The following KIRREL3 variants were observed in gnomAD, a reference collection of about 807,000 sequenced individuals.
KIRREL3 encodes kin of IRRE-like protein 3.
A neutral mutation model predicts 89.7 loss-of-function variants in KIRREL3; 36 were observed. The ratio of observed to expected loss-of-function variants is 0.40; its 90% CI spans 0.31 to 0.53. KIRREL3 has a LOEUF of 0.53. Ranked by LOEUF, KIRREL3 falls within the 20% of genes least tolerant of loss-of-function variation. The probability of loss-of-function intolerance (pLI) is 0.49; values close to 1 mark genes in which losing one functional copy is unlikely to be tolerated. For synonymous variants in KIRREL3, 445 were observed against 441.4 expected (o/e 1.01, Z -0.10); for missense variants, 864 against 1,056.6 (o/e 0.82, Z 2.53).
chr11:126,527,040 C>A lies in KIRREL3; in HGVS notation c.134-353G>T, dbSNP rs1958785287. Reference sequence around the variant, plus strand: ...TAATGCCATGTGCTGGGCATGCAGTCCCACACCAGGGCAGAAACAGGAGAG... The same window carrying A: ...TAATGCCATGTGCTGGGCATGCAGTACCACACCAGGGCAGAAACAGGAGAG... On this transcript the variant is annotated intron_variant, in intron 2 of 16. Coordinates refer to ENST00000525144, the MANE Select transcript of KIRREL3 (RefSeq NM_032531.4). The surrounding 1 kb of genome is among the most constrained non-coding windows in gnomAD (Gnocchi z 4.2). Among the ~76,000 whole-genome samples, 1 of 152,192 alleles carries A rather than the reference C, an allele frequency of 6.6e-6. No individual in the cohort carries two copies. Among genetic ancestry groups the A allele is most frequent in the Non-Finnish European group, 1.5e-5 (1 of 68,044 alleles).
At position 126,900,182 on chromosome 11, in the gene KIRREL3, T is replaced by C. The variant is rs1340375572; in HGVS notation, c.55+100273A>G. On this transcript the variant is annotated intron_variant, in intron 1 of 16. Transcript: ENST00000525144. This position sits in a 1 kb window ranked among gnomAD's most constrained non-coding sequence, Gnocchi z 4.4. ...TCCCATGTGTGTAAATATACAGCTC[T>C]CATGTGCCTAATTTATAGCAAGTCA... 3.9e-5 allele frequency among the ~76,000 whole-genome samples: 6 copies of C among 152,184 alleles called. No individual in the cohort carries two copies. The highest frequency in any genetic ancestry group is 7.3e-5 in the Non-Finnish European group (5 of 68,032).
At position 126,620,711 on chromosome 11, in the gene KIRREL3, A is replaced by G. The variant is rs536027549; in HGVS notation, c.56-57799T>C. 6.6e-5 allele frequency among the ~76,000 whole-genome samples: 10 copies of G among 152,292 alleles called. No individual in the cohort carries two copies. Among genetic ancestry groups the G allele is most frequent in the South Asian group, 6.2e-4 (3 of 4,814 alleles). ...ATTCATTCCCTTGCTGCCTTCTTCAATGCTTTTATAGGTCTCTTGATCTCT... is the reference window on the plus strand; with the variant it reads ...ATTCATTCCCTTGCTGCCTTCTTCAGTGCTTTTATAGGTCTCTTGATCTCT... On this transcript the variant is annotated intron_variant, in intron 1 of 16. Transcript: ENST00000525144. This position sits in a 1 kb window ranked among gnomAD's most constrained non-coding sequence, Gnocchi z 4.8.
At position 126,990,720 on chromosome 11, in the gene KIRREL3, C is replaced by T. The variant is rs959840859; in HGVS notation, c.55+9735G>A. 6.6e-6 allele frequency among the ~76,000 whole-genome samples: 1 copy of T among 152,212 alleles called. No individual in the cohort carries two copies. The highest frequency in any genetic ancestry group is 1.5e-5 in the Non-Finnish European group (1 of 68,042). ...AGAAAAAGGCTTCAGAGGGCATCTC[C>T]CTGAAGAAACAGAACTCCTTGTGAA... On this transcript the variant is annotated intron_variant, in intron 1 of 16. Transcript: ENST00000525144. The surrounding 1 kb of genome is among the most constrained non-coding windows in gnomAD (Gnocchi z 6.3).
At chr11:126,451,448 G>C (rs1565464764) in intron 7 of KIRREL3, among the ~76,000 whole-genome samples, 1 of 149,562 alleles carries the variant, frequency 6.7e-6, no homozygotes, top group Admixed American at 6.6e-5. Context: ...GTGTGTCCAA[G>C]TGCATGCGCA....
chr11:126,859,536 A>G (rs1462800326), intron 1 of KIRREL3, among the ~76,000 whole-genome samples: 1 of 152,008 alleles, frequency 6.6e-6, no homozygotes, highest in Non-Finnish European at 1.5e-5. Context: ...GGAGGAGGGG[A>G]CCCCCAAACT....
chr11:126,920,615 C>T (rs1947231348), intron 1 of KIRREL3: 1 of 152,154 alleles, frequency 6.6e-6, no homozygotes, highest in Non-Finnish European at 1.5e-5. Context: ...TTGGCTATTC[C>T]TCAGGATATG....
rs141100212 is a variant in KIRREL3, at chr11:126,741,958, C to G, written c.56-179046G>C. Among the ~76,000 whole-genome samples, 10 of 152,302 alleles carry G rather than the reference C, an allele frequency of 6.6e-5. No individual in the cohort carries two copies. In the East Asian group the frequency reaches 1.9e-3, roughly 29 times the overall value. ...ATTGCTCTTTTCATTAACCTTAACT[C>G]CACCACTCAGCATTTCACTAGCAGA... On this transcript the variant is annotated intron_variant, in intron 1 of 16. Transcript: ENST00000525144.
Position 126,773,263 on chromosome 11 carries a change from C to G in KIRREL3, c.56-210351G>C, listed in dbSNP as rs1208262880. ...CAGGATGAGGTTAACACTCTTGAAT[C>G]AGGGGACTGAGTGAAGTCAATACAG... On this transcript the variant is annotated intron_variant, in intron 1 of 16. Transcript: ENST00000525144. This position sits in a 1 kb window ranked among gnomAD's most constrained non-coding sequence, Gnocchi z 4.2. Among the ~76,000 whole-genome samples, 1 of 152,164 alleles carries G rather than the reference C, an allele frequency of 6.6e-6. No homozygotes were observed. The highest frequency in any genetic ancestry group is 2.4e-5 in the African/African-American group (1 of 41,418).
In KIRREL3 at chr11:126,544,759, CCTTT is replaced by C. The variant is rs915559675; in HGVS notation, c.133+18072_134-18073del. Among the ~76,000 whole-genome samples the C allele has an allele frequency of 6.6e-6, 1 of 152,112 alleles. No individual in the cohort carries two copies. The highest frequency in any genetic ancestry group is 2.4e-5 in the African/African-American group (1 of 41,424). ...GCAGCATCAAGATAATCGCCTAAGC[CCTTT>C]CTTCTCTTGCAAGTCCGTTGCTGCC... On this transcript the variant is annotated intron_variant, in intron 2 of 16. Coordinates refer to ENST00000525144, the MANE Select transcript of KIRREL3 (RefSeq NM_032531.4). This position sits in a 1 kb window ranked among gnomAD's most constrained non-coding sequence, Gnocchi z 5.6.
At chr11:126,910,317 T>A (rs1346250347) in intron 1 of KIRREL3, among the ~76,000 whole-genome samples, 1 of 152,098 alleles carries the variant, frequency 6.6e-6, no homozygotes, top group Non-Finnish European at 1.5e-5. Context: ...CAAGGTACAG[T>A]GGGCTGGCTG....
rs138071551 is a variant in KIRREL3, at chr11:126,441,603, C to T, written c.1253-1054G>A. Among the ~76,000 whole-genome samples, 6 of 152,280 alleles carry T rather than the reference C, an allele frequency of 3.9e-5. No homozygotes were observed. The highest frequency in any genetic ancestry group is 1.3e-4 in the Admixed American group (2 of 15,298). On this transcript the variant is annotated intron_variant, in intron 10 of 16. Coordinates refer to ENST00000525144, the MANE Select transcript of KIRREL3 (RefSeq NM_032531.4). The surrounding 1 kb of genome is among the most constrained non-coding windows in gnomAD (Gnocchi z 5.0). Reference sequence around the variant, plus strand: ...TGGCAGATACCAGAGGAAAGACAGCCGGGAGCAACGCATCTGGAGAACACA... The same window carrying T: ...TGGCAGATACCAGAGGAAAGACAGCTGGGAGCAACGCATCTGGAGAACACA...
In KIRREL3 at chr11:126,849,958, C is replaced by T. The variant is rs138622236; in HGVS notation, c.55+150497G>A. ...GACAACTCCCAAAATGGTATGAAAA[C>T]GCTTTTTAGTGTCCATGACCGGCAT... On this transcript the variant is annotated intron_variant, in intron 1 of 16. Transcript: ENST00000525144. Among the ~76,000 whole-genome samples the T allele has an allele frequency of 3.1e-3, 466 of 152,226 alleles. 4 individuals are homozygous for T. The South Asian group carries it at 0.037, about 12-fold the overall frequency.
rs374009147 is a variant in KIRREL3, at chr11:126,842,044, C to T, written c.55+158411G>A. 5.4e-4 allele frequency among the ~76,000 whole-genome samples: 82 copies of T among 152,184 alleles called. 1 individual carries two copies. The highest frequency in any genetic ancestry group is 1.8e-3 in the African/African-American group (76 of 41,518). On this transcript the variant is annotated intron_variant, in intron 1 of 16. Transcript: ENST00000525144. ...GATGGGGTAGGGTGAGGAGTGGATG[C>T]GTGTCCACTGAGCTTTGCAGCAGAG...
rs1338447790 is a variant in KIRREL3 at position 126,677,771 on chromosome 11, A to G, written c.56-114859T>C. The stretch of plus-strand genomic sequence containing the variant: ...GAGCTAATTCCAGGAACAACTGCAC[A>G]TTTGTCCACTGGTTGGAGTGAGCCT... On this transcript the variant is annotated intron_variant, in intron 1 of 16. Transcript: ENST00000525144. This position sits in a 1 kb window ranked among gnomAD's most constrained non-coding sequence, Gnocchi z 5.1. Among the ~76,000 whole-genome samples the G allele has an allele frequency of 6.6e-6, 1 of 152,052 alleles. No individual in the cohort carries two copies. The highest frequency in any genetic ancestry group is 1.5e-5 in the Non-Finnish European group (1 of 67,998).
At chr11:126,889,998 A>G (rs556081297) in intron 1 of KIRREL3, among the ~76,000 whole-genome samples, 1 of 152,342 alleles carries the variant, frequency 6.6e-6, no homozygotes, top group South Asian at 2.1e-4. Flanking sequence ...CACTGCATAA[A>G]TTGTCAGTGT....
At position 126,772,544 on chromosome 11, in the gene KIRREL3, A is replaced by C. The variant is rs1414884555; in HGVS notation, c.56-209632T>G. On this transcript the variant is annotated intron_variant, in intron 1 of 16. Coordinates refer to ENST00000525144, the MANE Select transcript of KIRREL3 (RefSeq NM_032531.4). The surrounding 1 kb of genome is among the most constrained non-coding windows in gnomAD (Gnocchi z 4.6). ...ACATGTGTGTTTCACCTCCGGAGTCAGTCAATGTGGCTCACAGAGTGGGAA... is the reference window on the plus strand; with the variant it reads ...ACATGTGTGTTTCACCTCCGGAGTCCGTCAATGTGGCTCACAGAGTGGGAA... Among the ~76,000 whole-genome samples, 1 of 152,212 alleles carries C rather than the reference A, an allele frequency of 6.6e-6. No individual in the cohort carries two copies. Among genetic ancestry groups the C allele is most frequent in the Non-Finnish European group, 1.5e-5 (1 of 68,046 alleles).
At chr11:126,933,390 TC>T (rs1948039138) in intron 1 of KIRREL3, among the ~76,000 whole-genome samples, 1 of 151,816 alleles carries the variant, frequency 6.6e-6, no homozygotes. Flanking sequence ...TGTAAGCCCT[TC>T]CTCCTTCAAG....
intron 7 of KIRREL3, among the ~76,000 whole-genome samples, chr11:126,450,309 C>A (rs960109471): frequency 3.4e-5 from 4 of 118,972 alleles, no homozygotes; most frequent in African/African-American, 1.3e-4. Flanking sequence ...GTGAGTGTGC[C>A]CATGTGCACG....
chr11:126,560,141 A>T (rs141970101), intron 2 of KIRREL3, among the ~76,000 whole-genome samples: 2 of 152,360 alleles, frequency 1.3e-5, no homozygotes, highest in East Asian at 3.9e-4. Flanking sequence ...ACATGAAGAC[A>T]ATGATCTCAA....
Sources: allele counts gnomAD v4.1 joint callset (sites outside exome capture counted in the v4.1 genomes callset), GRCh38; gene constraint gnomAD v4.1.1; non-coding constraint Gnocchi (gnomAD v3.1); transcripts MANE v1.5; gene names NCBI Gene and HGNC (gene_info 2026-07-23, HGNC 2026-07-21).